Variants in NINL observed in about 807,000 individuals in gnomAD.
NINL encodes the protein ninein like, also known as ninein-like protein.
Under a neutral mutation model 160.3 loss-of-function variants are expected in NINL, and 153 were observed. The observed-to-expected ratio is 0.95, with a 90% CI of 0.84 to 1.09. The LOEUF is 1.09. NINL is among the 50% of genes least tolerant of loss of function. The pLI is 0.00. For synonymous variants in NINL, 800 were observed against 734.8 expected (o/e 1.09, Z -1.43); for missense variants, 1,829 against 1,764.0 (o/e 1.04, Z -0.66).
At chr20:25,572,215 G>GTT (rs879311776) in intron 1 of NINL, among the ~76,000 whole-genome samples, 2 of 141,602 alleles carry the variant, frequency 1.4e-5, no homozygotes, top group African/African-American at 2.6e-5. Context: ...ATTCTGAGTA[G>GTT]TTTTTTTTTT....
In NINL at chr20:25,461,934, C is replaced by T. The variant is rs147876362; in HGVS notation, c.3583-299G>A. On this transcript the variant is annotated intron_variant, in intron 20 of 23. Coordinates refer to ENST00000278886, the MANE Select transcript of NINL (RefSeq NM_025176.6). ...AGTTATGATTTGAAAACATGGTTTT[C>T]AGTGGCTGTGCTGTGATCCAGTGAC... is the stretch of plus-strand genomic sequence containing the variant. Among the ~76,000 whole-genome samples, 256 of 152,298 alleles carry T rather than the reference C, an allele frequency of 1.7e-3. 3 individuals are homozygous for T. Among genetic ancestry groups the T allele is most frequent in the African/African-American group, 5.8e-3 (240 of 41,562 alleles).
In NINL at chr20:25,496,618, T is replaced by C. The variant is rs1442152220; in HGVS notation, c.1310+45A>G. The stretch of plus-strand genomic sequence containing the variant: ...GTCCACTACCTGCCCTCAAAGGGGC[T>C]GGGGAGGCCCAGGTAAGAATCCACC... On this transcript the variant is annotated intron_variant, in intron 10 of 23. Coordinates refer to ENST00000278886, the MANE Select transcript of NINL (RefSeq NM_025176.6). 4 of 1,606,712 alleles carry C rather than the reference T, an allele frequency of 2.5e-6. No homozygotes were observed. The African/African-American group carries it at 5.3e-5, about 21-fold the overall frequency.
Position 25,476,065 on chromosome 20 carries a change from CAT to C in NINL, c.3224_3225del (p.His1075ArgfsTer13), listed in dbSNP as rs745545264. Reference sequence around the variant, plus strand: ...AACCTGTCGTTCTCTCTCAAATCTACATGTTTCTCCAGAGCCCGGACGACGTC... The same window carrying C: ...AACCTGTCGTTCTCTCTCAAATCTACGTTTCTCCAGAGCCCGGACGACGTC... ...LEDVVRALEK[H>X]VDLRENDRLE... On this transcript the variant is annotated frameshift_variant, in exon 17 of 24. Coordinates refer to ENST00000278886, the MANE Select transcript of NINL (RefSeq NM_025176.6). LOFTEE classifies it high-confidence loss of function. The C allele has an allele frequency of 6.2e-6, 10 of 1,613,204 alleles. No homozygotes were observed. Among genetic ancestry groups the C allele is most frequent in the Admixed American group, 1.7e-5 (1 of 59,910 alleles).
chr20:25,518,933 G>C (rs1289508038), intron 2 of NINL, among the ~76,000 whole-genome samples: 1 of 151,804 alleles, frequency 6.6e-6, no homozygotes, highest in Non-Finnish European at 1.5e-5. Context: ...CCCCATCTCT[G>C]CTAAAAATTC....
Position 25,491,975 on chromosome 20 carries a change from TA to T in NINL, c.1311-451del, listed in dbSNP as rs939680962. Among the ~76,000 whole-genome samples, 6 of 152,350 alleles carry T rather than the reference TA, an allele frequency of 3.9e-5. No individual in the cohort carries two copies. In the South Asian group the frequency reaches 8.3e-4, roughly 21 times the overall value. The stretch of plus-strand genomic sequence containing the variant: ...AGCAATCTGAGGAAGAGGTGGGGGA[TA>T]TTTTTTTCTCAGCTGCTACATTCAT... On this transcript the variant is annotated intron_variant, in intron 10 of 23. Transcript: ENST00000278886.
chr20:25,572,487 T>C (rs2065065596), intron 1 of NINL, among the ~76,000 whole-genome samples: 1 of 152,164 alleles, frequency 6.6e-6, no homozygotes, highest in Non-Finnish European at 1.5e-5. Flanking sequence ...GACACATTCC[T>C]AGGCACTTTG....
At chr20:25,489,089 C>T in intron 13 of NINL, 155 bp downstream of exon 13, 2 of 721,986 alleles carry the variant, frequency 2.8e-6, no homozygotes, top group South Asian at 1.6e-5. Context: ...AGCCAGGGAA[C>T]CCTAAGTCTA....
intron 5 of NINL, chr20:25,509,774 T>C (rs2064034094): frequency 2.2e-6 from 1 of 452,760 alleles, no homozygotes; most frequent in Non-Finnish European, 4.4e-6. Context: ...TGTTGGTCTT[T>C]TCTATCCAAA....
intron 1 of NINL, among the ~76,000 whole-genome samples, chr20:25,537,328 C>T (rs924657644): frequency 2.0e-5 from 3 of 152,330 alleles, no homozygotes; most frequent in Non-Finnish European, 4.4e-5. Context: ...AGTGATCCTT[C>T]TACCGGGGCC....
intron 18 of NINL, 85 bp from the exon 19 acceptor site, chr20:25,467,543 C>T (rs1325819827): frequency 9.6e-7 from 1 of 1,043,576 alleles, no homozygotes; most frequent in African/African-American, 1.6e-5. Flanking sequence ...GTAAGAGCAG[C>T]ATGGGGGTTT....
At chr20:25,475,968 G>A in intron 17 of NINL, 75 bp downstream of exon 17, 6 of 1,462,410 alleles carry the variant, frequency 4.1e-6, no homozygotes, top group Non-Finnish European at 4.7e-6. Flanking sequence ...AGCACCATTA[G>A]CAACAGGGGT....
rs561147434 is a variant in NINL, at chr20:25,491,923, T to C, written c.1311-398A>G. Among the ~76,000 whole-genome samples the C allele has an allele frequency of 5.9e-5, 9 of 152,318 alleles. No homozygotes were observed. The South Asian group carries it at 1.9e-3, about 32-fold the overall frequency. On this transcript the variant is annotated intron_variant, in intron 10 of 23. Transcript: ENST00000278886. ...CTCCCTCCCAAGGAGGGAGGCAGCA[T>C]GAAACCCATGGACAGTGAATTCCCA... is the stretch of plus-strand genomic sequence containing the variant.
In NINL at chr20:25,453,371, T is replaced by C; in HGVS notation, c.*80A>G. On this transcript the variant is annotated 3_prime_UTR_variant, in exon 24 of 24. Transcript: ENST00000278886. ...CAGATGTCCCAGGACTCATGGCTCA[T>C]GACCCACGGAATCTAAGGCAGCACA... 3.9e-6 allele frequency: 5 copies of C among 1,298,416 alleles called. No homozygotes were observed. In the South Asian group the frequency reaches 7.0e-5, roughly 18 times the overall value. 80.4% of individuals were successfully genotyped at this position (1,298,416 alleles called of 1,614,324 possible).
chr20:25,491,573 C>T (rs1421456914), intron 10 of NINL, 48 bp from the exon 11 acceptor site: 2 of 1,580,188 alleles, frequency 1.3e-6, no homozygotes, highest in Non-Finnish European at 1.7e-6. Flanking sequence ...GTCAGGGCTG[C>T]CCAGGCCCAC....
intron 10 of NINL, among the ~76,000 whole-genome samples, chr20:25,495,198 A>C (rs980396536): frequency 6.6e-6 from 1 of 152,146 alleles, no homozygotes; most frequent in African/African-American, 2.4e-5. Context: ...AAAGATGCTC[A>C]GGGCTTCTTT....
intron 1 of NINL, among the ~76,000 whole-genome samples, chr20:25,529,151 G>A (rs574255215): frequency 3.9e-5 from 6 of 152,266 alleles, no homozygotes; most frequent in African/African-American, 1.4e-4. Context: ...GTGTGAGCCT[G>A]TAGTCTCAGA....
intron 1 of NINL, among the ~76,000 whole-genome samples, chr20:25,542,076 A>G (rs549793979): frequency 1.3e-5 from 2 of 152,206 alleles, no homozygotes. Context: ...AGCAGCCTGC[A>G]CTCCTGGGGT....
At chr20:25,535,161 C>T (rs1424819386) in intron 1 of NINL, among the ~76,000 whole-genome samples, 3 of 152,182 alleles carry the variant, frequency 2.0e-5, no homozygotes, top group East Asian at 1.9e-4. Context: ...GAAATAAGGC[C>T]GGCATAGAGA....
intron 1 of NINL, among the ~76,000 whole-genome samples, chr20:25,569,325 AC>A (rs530604350): frequency 7.7e-4 from 117 of 152,324 alleles, no homozygotes; most frequent in Non-Finnish European, 1.6e-3. Flanking sequence ...TGAAAACCAA[AC>A]AGCAAGTTTG....
Sources: gnomAD v4.1 joint callset for allele counts (sites outside exome capture counted in the v4.1 genomes callset) on GRCh38, gnomAD v4.1.1 for gene constraint, MANE v1.5 for transcripts, NCBI Gene and HGNC (gene_info 2026-07-23, HGNC 2026-07-21) for gene names.